Variants in TMEM132D observed in about 807,000 individuals in gnomAD.
TMEM132D encodes transmembrane protein 132D, also known as mature OL transmembrane protein.
TMEM132D carries 21 observed loss-of-function variants against 62.3 expected under a neutral mutation model. The observed-to-expected ratio is 0.34, with a 90% CI of 0.24 to 0.49. The LOEUF (loss-of-function observed/expected upper bound fraction) is 0.49, where lower values mean the gene tolerates loss of function less well. Ranked by LOEUF, TMEM132D falls within the 20% of genes least tolerant of loss-of-function variation. The pLI, the probability that TMEM132D is intolerant of heterozygous loss-of-function variation, is 0.99. For synonymous variants in TMEM132D, 621 were observed against 575.6 expected (o/e 1.08, Z -1.13); for missense variants, 1,346 against 1,402.8 (o/e 0.96, Z 0.65).
chr12:129,293,094 G>C (rs764154001), intron 4 of TMEM132D, among the ~76,000 whole-genome samples: 36 of 152,162 alleles, frequency 2.4e-4, no homozygotes, highest in African/African-American at 8.7e-4. Context: ...ACAGAGACTT[G>C]ACTAGCCTGA....
intron 4 of TMEM132D, among the ~76,000 whole-genome samples, chr12:129,304,605 G>A (rs1304524270): frequency 1.3e-5 from 2 of 151,226 alleles, no homozygotes; most frequent in Non-Finnish European, 2.9e-5. Context: ...CCATTTATAC[G>A]GCGGCATCTT....
intron 2 of TMEM132D, among the ~76,000 whole-genome samples, chr12:129,531,537 C>T (rs1309003187): frequency 1.3e-5 from 2 of 152,156 alleles, no homozygotes; most frequent in Non-Finnish European, 2.9e-5. Flanking sequence ...AAACCCTTAG[C>T]CTGGCCAAAC....
intron 1 of TMEM132D, among the ~76,000 whole-genome samples, chr12:129,794,242 C>G (rs1175825725): frequency 6.9e-6 from 1 of 144,704 alleles, no homozygotes; most frequent in Non-Finnish European, 1.5e-5. Context: ...GCGTGCACCA[C>G]CATGCCCAGC....
At chr12:129,104,630 C>T (rs1489955877) in intron 5 of TMEM132D, among the ~76,000 whole-genome samples, 5 of 151,684 alleles carry the variant, frequency 3.3e-5, no homozygotes, top group African/African-American at 9.7e-5. Context: ...AGAAAATTTT[C>T]ACAACCTACT....
chr12:129,864,496 T>C (rs1873997150), intron 1 of TMEM132D, among the ~76,000 whole-genome samples: 3 of 152,200 alleles, frequency 2.0e-5, no homozygotes, highest in Admixed American at 2.0e-4. Context: ...TGGCTGTTTA[T>C]TTTGACCACT....
At chr12:129,659,810 T>C (rs925414734) in intron 2 of TMEM132D, among the ~76,000 whole-genome samples, 2 of 152,240 alleles carry the variant, frequency 1.3e-5, no homozygotes, top group African/African-American at 4.8e-5. Context: ...ATTTATTTAA[T>C]GGTATTCTCT....
At chr12:129,128,123 A>G (rs1166453464) in intron 5 of TMEM132D, among the ~76,000 whole-genome samples, 1 of 152,162 alleles carries the variant, frequency 6.6e-6, no homozygotes, top group African/African-American at 2.4e-5. Context: ...ACAAACTTGG[A>G]AGGTAGAGAG....
rs867678998 is a variant in TMEM132D, at chr12:129,419,075, A to T, written c.1116-81258T>A. Among the ~76,000 whole-genome samples the T allele has an allele frequency of 1.2e-4, 18 of 152,294 alleles. 1 individual carries two copies. The highest frequency in any genetic ancestry group is 3.4e-4 in the African/African-American group (14 of 41,566). Reference sequence around the variant, plus strand: ...GACTTCTAGTTTTCAGAACAGTGAGACACTAAACTTCTGTTGCCTTTTCCC... The same window carrying T: ...GACTTCTAGTTTTCAGAACAGTGAGTCACTAAACTTCTGTTGCCTTTTCCC... On this transcript the variant is annotated intron_variant, in intron 3 of 8. Coordinates refer to ENST00000422113, the MANE Select transcript of TMEM132D (RefSeq NM_133448.3).
At chr12:129,410,504 T>C (rs6486465) in intron 3 of TMEM132D, among the ~76,000 whole-genome samples, 102,871 of 151,652 alleles carry the variant, frequency 0.68, 35,617 homozygotes, top group East Asian at 0.89. Context: ...GGATTACAGG[T>C]GCGCACCACC....
intron 5 of TMEM132D, among the ~76,000 whole-genome samples, chr12:129,116,325 G>A (rs964390457): frequency 1.8e-4 from 28 of 152,178 alleles, no homozygotes; most frequent in African/African-American, 6.3e-4. Context: ...AAAGACAACA[G>A]CTGGCCAGTC....
chr12:129,291,743 G>A (rs886585515), intron 4 of TMEM132D, among the ~76,000 whole-genome samples: 4 of 152,168 alleles, frequency 2.6e-5, no homozygotes, highest in South Asian at 2.1e-4. Context: ...GGGTGGAGGA[G>A]TTGGAAAGGG....
rs1358562356 is a variant in TMEM132D at position 129,903,206 on chromosome 12, A to T, written c.79+55T>A. On this transcript the variant is annotated intron_variant, in intron 1 of 8. Transcript: ENST00000422113. The surrounding 1 kb of genome is among the most constrained non-coding windows in gnomAD (Gnocchi z 6.2). ...GCCCCCATCCTCCACACACTCCCACACACTCACTCCAGGCGAAGTTAGTCC... is the reference window on the plus strand; with the variant it reads ...GCCCCCATCCTCCACACACTCCCACTCACTCACTCCAGGCGAAGTTAGTCC... 6.5e-7 allele frequency: 1 copy of T among 1,533,650 alleles called. No homozygotes were observed. The highest frequency in any genetic ancestry group is 1.4e-5 in the African/African-American group (1 of 72,774).
chr12:129,608,278 C>G (rs1878681033), intron 2 of TMEM132D, among the ~76,000 whole-genome samples: 1 of 152,174 alleles, frequency 6.6e-6, no homozygotes, highest in East Asian at 1.9e-4. Context: ...AACTTTTCTG[C>G]AGGGAGTGAG....
intron 2 of TMEM132D, among the ~76,000 whole-genome samples, chr12:129,600,790 G>A (rs1383131362): frequency 6.6e-6 from 1 of 152,158 alleles, no homozygotes; most frequent in Non-Finnish European, 1.5e-5. Flanking sequence ...TCAGTAGACA[G>A]ATGTGTGCTG....
At chr12:129,524,830 A>G (rs992987656) in intron 3 of TMEM132D, among the ~76,000 whole-genome samples, 6 of 151,674 alleles carry the variant, frequency 4.0e-5, no homozygotes, top group East Asian at 2.0e-4. Flanking sequence ...ACTCCAGCCT[A>G]GCGACAGAGT....
chr12:129,631,935 T>C (rs1438412493), intron 2 of TMEM132D, among the ~76,000 whole-genome samples: 2 of 152,120 alleles, frequency 1.3e-5, no homozygotes, highest in African/African-American at 4.8e-5. Context: ...AGCCATATAA[T>C]TTAAGAGTCA....
intron 3 of TMEM132D, among the ~76,000 whole-genome samples, chr12:129,345,187 A>T (rs1377390054): frequency 6.6e-6 from 1 of 152,126 alleles, no homozygotes; most frequent in Non-Finnish European, 1.5e-5. Flanking sequence ...GTTGTGGTTT[A>T]TCTAAGATTC....
At chr12:129,604,175 G>A (rs906643454) in intron 2 of TMEM132D, among the ~76,000 whole-genome samples, 12 of 152,074 alleles carry the variant, frequency 7.9e-5, no homozygotes, top group African/African-American at 2.9e-4. Context: ...GAGGGGTTGG[G>A]GGTAAGGGGG....
intron 1 of TMEM132D, among the ~76,000 whole-genome samples, chr12:129,735,025 G>A (rs1403034597): frequency 6.6e-6 from 1 of 152,002 alleles, no homozygotes; most frequent in African/African-American, 2.4e-5. Context: ...CCATTTTACA[G>A]TACGACGACA....
Sources: allele counts gnomAD v4.1 joint callset (sites outside exome capture counted in the v4.1 genomes callset), GRCh38; gene constraint gnomAD v4.1.1; non-coding constraint Gnocchi (gnomAD v3.1); transcripts MANE v1.5; gene names NCBI Gene and HGNC (gene_info 2026-07-23, HGNC 2026-07-21).